Variants in KIRREL3 observed in about 807,000 individuals in gnomAD.
KIRREL3 encodes kirre like nephrin family adhesion molecule 3, also known as kin of IRRE-like protein 3.
A neutral mutation model predicts 89.7 loss-of-function variants in KIRREL3; 36 were observed. The ratio of observed to expected loss-of-function variants is 0.40; its 90% CI spans 0.31 to 0.53. The LOEUF is 0.53. KIRREL3 is among the 20% of genes least tolerant of loss of function. KIRREL3 has a pLI of 0.49. For synonymous variants in KIRREL3, 445 were observed against 441.4 expected, an observed-to-expected ratio of 1.01 and a Z score of -0.10; for missense variants, 864 against 1,056.6, an observed-to-expected ratio of 0.82 and a Z score of 2.53.
In KIRREL3 at chr11:126,652,193, G is replaced by T. The variant is rs1026385209; in HGVS notation, c.56-89281C>A. 6.6e-6 allele frequency among the ~76,000 whole-genome samples: 1 copy of T among 152,122 alleles called. No homozygotes were observed. The highest frequency in any genetic ancestry group is 1.9e-4 in the East Asian group (1 of 5,190). On this transcript the variant is annotated intron_variant, in intron 1 of 16. Transcript: ENST00000525144. The surrounding 1 kb of genome is among the most constrained non-coding windows in gnomAD (Gnocchi z 4.9). ...GGAATTTCAGCCCCTCAGAGTGAAGGGATGGGCTTCTTTGGTTGAGTTCCG... is the reference window on the plus strand; with the variant it reads ...GGAATTTCAGCCCCTCAGAGTGAAGTGATGGGCTTCTTTGGTTGAGTTCCG...
chr11:126,743,166 C>A (rs1053838784), intron 1 of KIRREL3, among the ~76,000 whole-genome samples: 3 of 152,076 alleles, frequency 2.0e-5, no homozygotes, highest in Non-Finnish European at 2.9e-5. Context: ...AACAAACAAA[C>A]AAACAAACAA....
In KIRREL3 at chr11:126,797,206, G is replaced by T. The variant is rs1242140291; in HGVS notation, c.55+203249C>A. On this transcript the variant is annotated intron_variant, in intron 1 of 16. Transcript: ENST00000525144. The surrounding 1 kb of genome is among the most constrained non-coding windows in gnomAD (Gnocchi z 4.9). ...TGCAGGGAATATGAGCCTAGGCTCTGAATATGGGACCAATTTGAATTTAGA... is the reference window on the plus strand; with the variant it reads ...TGCAGGGAATATGAGCCTAGGCTCTTAATATGGGACCAATTTGAATTTAGA... Among the ~76,000 whole-genome samples the T allele has an allele frequency of 2.0e-5, 3 of 152,160 alleles. No individual in the cohort carries two copies. Among genetic ancestry groups the T allele is most frequent in the African/African-American group, 7.2e-5 (3 of 41,434 alleles).
chr11:126,743,592 G>T (rs970270092), intron 1 of KIRREL3, among the ~76,000 whole-genome samples: 1 of 152,240 alleles, frequency 6.6e-6, no homozygotes, highest in Admixed American at 6.5e-5. Context: ...ACGAATGGCA[G>T]TGTAATATTA....
chr11:126,625,260 A>G (rs1823542966), intron 1 of KIRREL3, among the ~76,000 whole-genome samples: 1 of 152,162 alleles, frequency 6.6e-6, no homozygotes, highest in Non-Finnish European at 1.5e-5. Context: ...ACTAGGCTAC[A>G]ATCCAGGTCT....
In KIRREL3 at chr11:126,476,645, A is replaced by G. The variant is rs181787546; in HGVS notation, c.434-3179T>C. 2.6e-3 allele frequency among the ~76,000 whole-genome samples: 294 copies of G among 115,196 alleles called. No individual in the cohort carries two copies. The highest frequency in any genetic ancestry group is 3.9e-3 in the Non-Finnish European group (233 of 59,252). The allele number at this position is 115,196 out of a possible 152,430, so 75.6% of individuals were successfully genotyped here. On this transcript the variant is annotated intron_variant, in intron 4 of 16. Coordinates refer to ENST00000525144, the MANE Select transcript of KIRREL3 (RefSeq NM_032531.4). The surrounding 1 kb of genome is among the most constrained non-coding windows in gnomAD (Gnocchi z 6.4). ...TTGATTGGTCTTCGCTTCACTGCAC[A>G]CCAGATGGGGGTGGGGGCTGGGGGG... is the stretch of plus-strand genomic sequence containing the variant.
intron 1 of KIRREL3, among the ~76,000 whole-genome samples, chr11:126,774,798 T>G (rs1233131260): frequency 1.3e-5 from 2 of 152,188 alleles, no homozygotes; most frequent in African/African-American, 4.8e-5. Context: ...TCTGAACCAA[T>G]TGGATCTGCA....
At chr11:126,512,785 GAAGGGAAGAGGAAC>G (rs1958266518) in intron 4 of KIRREL3, among the ~76,000 whole-genome samples, 1 of 152,208 alleles carries the variant, frequency 6.6e-6, no homozygotes, top group African/African-American at 2.4e-5. Flanking sequence ...CTCTCAGGAG[GAAGGGAAGAGGAAC>G]TCAGGGAACA....
In KIRREL3 at chr11:126,830,898, T is replaced by C. The variant is rs182421998; in HGVS notation, c.55+169557A>G. 6.6e-6 allele frequency among the ~76,000 whole-genome samples: 1 copy of C among 152,304 alleles called. No individual in the cohort carries two copies. The highest frequency in any genetic ancestry group is 1.9e-4 in the East Asian group (1 of 5,172). On this transcript the variant is annotated intron_variant, in intron 1 of 16. Coordinates refer to ENST00000525144, the MANE Select transcript of KIRREL3 (RefSeq NM_032531.4). The surrounding 1 kb of genome is among the most constrained non-coding windows in gnomAD (Gnocchi z 4.9). ...TCACATAATTACCAAGATGTTGCTT[T>C]ATGGGCAAGGGGTACGGCCACATAT...
chr11:126,517,503 G>C (rs558792177), intron 4 of KIRREL3, among the ~76,000 whole-genome samples: 2 of 152,278 alleles, frequency 1.3e-5, no homozygotes, highest in Middle Eastern at 3.4e-3. Context: ...GGGTGGTTGG[G>C]GGGGATCCTT....
rs923520191 is a variant in KIRREL3 at position 126,909,551 on chromosome 11, T to A, written c.55+90904A>T. ...GATACACCGCCCACAATACACCCCGTGGGTAATTAACAACCGAGAAAGGGC... is the reference window on the plus strand; with the variant it reads ...GATACACCGCCCACAATACACCCCGAGGGTAATTAACAACCGAGAAAGGGC... On this transcript the variant is annotated intron_variant, in intron 1 of 16. Transcript: ENST00000525144. The surrounding 1 kb of genome is among the most constrained non-coding windows in gnomAD (Gnocchi z 4.5). Among the ~76,000 whole-genome samples, 7 of 152,102 alleles carry A rather than the reference T, an allele frequency of 4.6e-5. No individual in the cohort carries two copies. The highest frequency in any genetic ancestry group is 8.8e-5 in the Non-Finnish European group (6 of 68,034).
At chr11:126,944,093 G>C (rs1948543959) in intron 1 of KIRREL3, among the ~76,000 whole-genome samples, 1 of 152,130 alleles carries the variant, frequency 6.6e-6, no homozygotes, top group African/African-American at 2.4e-5. Context: ...AGGACACAGA[G>C]AGGAATCTGA....
intron 4 of KIRREL3, among the ~76,000 whole-genome samples, chr11:126,479,839 G>A (rs960824697): frequency 2.0e-5 from 3 of 152,162 alleles, no homozygotes; most frequent in African/African-American, 4.8e-5. Flanking sequence ...GAATGCTGGC[G>A]TTCTCCTGGA....
intron 4 of KIRREL3, among the ~76,000 whole-genome samples, chr11:126,493,059 G>A (rs987761596): frequency 6.6e-6 from 1 of 152,228 alleles, no homozygotes. Flanking sequence ...AGGGATTGAC[G>A]TGGAGCGTCA....
At chr11:126,962,771 G>A (rs1173382438) in intron 1 of KIRREL3, among the ~76,000 whole-genome samples, 2 of 152,110 alleles carry the variant, frequency 1.3e-5, no homozygotes, top group Admixed American at 1.3e-4. Flanking sequence ...CAACTTCACT[G>A]TGGTCTTATT....
intron 2 of KIRREL3, among the ~76,000 whole-genome samples, chr11:126,543,006 G>A (rs1010484427): frequency 2.6e-5 from 4 of 152,120 alleles, no homozygotes; most frequent in Non-Finnish European, 5.9e-5. Context: ...ACCCCGTGGA[G>A]CAGGTCCCAT....
intron 1 of KIRREL3, among the ~76,000 whole-genome samples, chr11:126,871,293 A>G (rs1945100331): frequency 6.6e-6 from 1 of 152,160 alleles, no homozygotes; most frequent in Non-Finnish European, 1.5e-5. Flanking sequence ...GACATGCAGG[A>G]CCACCTTTGA....
At position 126,983,729 on chromosome 11, in the gene KIRREL3, G is replaced by A. The variant is rs542170141; in HGVS notation, c.55+16726C>T. 3.9e-5 allele frequency among the ~76,000 whole-genome samples: 6 copies of A among 152,242 alleles called. No homozygotes were observed. The East Asian group carries it at 7.7e-4, about 20-fold the overall frequency. On this transcript the variant is annotated intron_variant, in intron 1 of 16. Coordinates refer to ENST00000525144, the MANE Select transcript of KIRREL3 (RefSeq NM_032531.4). This position sits in a 1 kb window ranked among gnomAD's most constrained non-coding sequence, Gnocchi z 4.9. ...CCCTGCAGCACCTGGATGCCAGCCC[G>A]TGAGATCCATTCTAGACCTCTGACC...
rs1306568509 is a variant in KIRREL3, at chr11:126,578,537, T to G, written c.56-15625A>C. Among the ~76,000 whole-genome samples, 1 of 152,098 alleles carries G rather than the reference T, an allele frequency of 6.6e-6. No individual in the cohort carries two copies. Among genetic ancestry groups the G allele is most frequent in the Non-Finnish European group, 1.5e-5 (1 of 68,018 alleles). On this transcript the variant is annotated intron_variant, in intron 1 of 16. Transcript: ENST00000525144. This position sits in a 1 kb window ranked among gnomAD's most constrained non-coding sequence, Gnocchi z 4.9. Reference sequence around the variant, plus strand: ...GAACTTGGGGTGTGGCGTGTCCCTGTGGGTGGACACATTGTGAACAGTAAG... The same window carrying G: ...GAACTTGGGGTGTGGCGTGTCCCTGGGGGTGGACACATTGTGAACAGTAAG...
At chr11:126,510,861 TG>T in intron 4 of KIRREL3, among the ~76,000 whole-genome samples, 1 of 152,232 alleles carries the variant, frequency 6.6e-6, no homozygotes, top group Non-Finnish European at 1.5e-5. Flanking sequence ...CTGGAGATAC[TG>T]ACTGCTCAAC....
Sources: gnomAD v4.1 joint callset for allele counts (sites outside exome capture counted in the v4.1 genomes callset) on GRCh38, gnomAD v4.1.1 for gene constraint, Gnocchi (gnomAD v3.1) non-coding constraint, MANE v1.5 for transcripts, NCBI Gene and HGNC (gene_info 2026-07-23, HGNC 2026-07-21) for gene names.